Variants in PRIMA1 observed in about 807,000 individuals in gnomAD.
PRIMA1 encodes proline-rich membrane anchor 1.
Under a neutral mutation model 17.5 loss-of-function variants are expected in PRIMA1, and 7 were observed. The observed-to-expected ratio is 0.40, with a 90% CI of 0.23 to 0.75. The LOEUF is 0.75. Ranked by LOEUF, PRIMA1 falls within the 30% of genes least tolerant of loss-of-function variation. The pLI, the probability that PRIMA1 is intolerant of heterozygous loss-of-function variation, is 0.37. For synonymous variants in PRIMA1, 97 were observed against 77.9 expected, an observed-to-expected ratio of 1.25 and a Z score of -1.29; for missense variants, 200 against 201.8, an observed-to-expected ratio of 0.99 and a Z score of 0.05.
chr14:93,771,478 C>A (rs1298287630), intron 3 of PRIMA1, among the ~76,000 whole-genome samples: 4 of 152,136 alleles, frequency 2.6e-5, no homozygotes, highest in Admixed American at 2.6e-4. Context: ...CAATCTACAG[C>A]CAATATTGAC....
Position 93,743,242 on chromosome 14 carries a change from C to T in PRIMA1, c.230-5872G>A, listed in dbSNP as rs563812573. Among the ~76,000 whole-genome samples the T allele has an allele frequency of 2.6e-5, 4 of 152,314 alleles. No individual in the cohort carries two copies. The East Asian group carries it at 5.8e-4, about 22-fold the overall frequency. The stretch of plus-strand genomic sequence containing the variant: ...CTGGTTCCGGAGCACAGCCTGAGTA[C>T]CAGACATTGCTGGTGACACCATGGG... On this transcript the variant is annotated intron_variant, in intron 3 of 4. Coordinates refer to ENST00000393140, the MANE Select transcript of PRIMA1 (RefSeq NM_178013.4).
intron 1 of PRIMA1, among the ~76,000 whole-genome samples, 189 bp from the exon 2 acceptor site, chr14:93,787,938 T>A (rs1013026181): frequency 6.6e-6 from 1 of 152,156 alleles, no homozygotes; most frequent in Non-Finnish European, 1.5e-5. Flanking sequence ...GAATTCACAC[T>A]CTTCTTACGC....
intron 4 of PRIMA1, among the ~76,000 whole-genome samples, chr14:93,733,275 C>T (rs1304634419): frequency 6.6e-6 from 1 of 152,168 alleles, no homozygotes; most frequent in East Asian, 1.9e-4. Context: ...CTCTGAACAC[C>T]GTCTACCCAG....
intron 4 of PRIMA1, among the ~76,000 whole-genome samples, chr14:93,721,862 T>G (rs1459540570): frequency 6.6e-6 from 1 of 152,178 alleles, no homozygotes; most frequent in African/African-American, 2.4e-5. Flanking sequence ...CAAGAAAGTA[T>G]GTTCAGTCTA....
intron 4 of PRIMA1, chr14:93,725,695 C>G: frequency 3.1e-6 from 1 of 326,206 alleles, no homozygotes; most frequent in Non-Finnish European, 6.1e-6. Flanking sequence ...ATGTCAAGCA[C>G]TTAGACAAGC....
rs1007966127 is a variant in PRIMA1, at chr14:93,720,431, G to C, written c.*1013C>G. 2 of 152,536 alleles carry C rather than the reference G, an allele frequency of 1.3e-5. No homozygotes were observed. Among genetic ancestry groups the C allele is most frequent in the Admixed American group, 1.3e-4 (2 of 15,286 alleles). 9.4% of individuals were successfully genotyped at this position (152,536 alleles called of 1,614,324 possible). A position where few individuals can be genotyped will look rare whatever the true frequency, so the allele number is the denominator to read the frequency against. ...AACAACACCTCCTTCTTGGCGACTGGGGCTCGGGGTAGGGTAAAATGGGGA... is the reference window on the plus strand; with the variant it reads ...AACAACACCTCCTTCTTGGCGACTGCGGCTCGGGGTAGGGTAAAATGGGGA... On this transcript the variant is annotated 3_prime_UTR_variant, in exon 5 of 5. Transcript: ENST00000393140.
intron 3 of PRIMA1, among the ~76,000 whole-genome samples, chr14:93,758,947 T>C (rs1364477708): frequency 6.6e-6 from 1 of 152,130 alleles, no homozygotes; most frequent in East Asian, 1.9e-4. Flanking sequence ...GGGTTTTGAA[T>C]ATTTTGCATC....
chr14:93,741,218 A>G (rs750343661), intron 3 of PRIMA1, among the ~76,000 whole-genome samples: 1 of 152,254 alleles, frequency 6.6e-6, no homozygotes, highest in Admixed American at 6.5e-5. Flanking sequence ...GCTTGAGTCA[A>G]TTAGAGAATG....
intron 3 of PRIMA1, among the ~76,000 whole-genome samples, chr14:93,770,116 G>C (rs566611618): frequency 7.0e-4 from 106 of 152,146 alleles, no homozygotes; most frequent in African/African-American, 2.5e-3. Flanking sequence ...CTTAGACCAG[G>C]GCGTGACACC....
At position 93,748,047 on chromosome 14, in the gene PRIMA1, A is replaced by T. The variant is rs61980272; in HGVS notation, c.230-10677T>A. Among the ~76,000 whole-genome samples the T allele has an allele frequency of 8.5e-3, 1,279 of 150,472 alleles. 15 individuals carry two copies. Among genetic ancestry groups the T allele is most frequent in the South Asian group, 0.024 (113 of 4,772 alleles). ...GGGGGACTGTGTGTGGGAGTGTGTG[A>T]GTGTGTGTATGTGAGTGTGAATGTG... On this transcript the variant is annotated intron_variant, in intron 3 of 4. Coordinates refer to ENST00000393140, the MANE Select transcript of PRIMA1 (RefSeq NM_178013.4).
chr14:93,752,631 C>T (rs2076267136), intron 3 of PRIMA1, among the ~76,000 whole-genome samples: 1 of 152,208 alleles, frequency 6.6e-6, no homozygotes, highest in Admixed American at 6.5e-5. Context: ...AGTGCAATAT[C>T]CAAAGACAAT....
At chr14:93,777,227 T>C (rs1885244701) in intron 3 of PRIMA1, among the ~76,000 whole-genome samples, 1 of 152,202 alleles carries the variant, frequency 6.6e-6, no homozygotes, top group African/African-American at 2.4e-5. Flanking sequence ...GAAGGGCTTG[T>C]GACTCTCAAG....
At chr14:93,725,877 T>C (rs1405477891) in intron 4 of PRIMA1, 1 of 452,242 alleles carries the variant, frequency 2.2e-6, no homozygotes, top group African/African-American at 2.0e-5. Flanking sequence ...CTAGAGAGAG[T>C]TGTTAGGACC....
chr14:93,786,749 G>C lies in PRIMA1; in HGVS notation c.93+877C>G, dbSNP rs74919144. Among the ~76,000 whole-genome samples, 1,192 of 152,142 alleles carry C rather than the reference G, an allele frequency of 7.8e-3. 15 individuals are homozygous for C. The highest frequency in any genetic ancestry group is 0.014 in the Middle Eastern group (4 of 294). On this transcript the variant is annotated intron_variant, in intron 2 of 4. Transcript: ENST00000393140. ...TACCTGGTCAGCCAGGCAGAAGAAC[G>C]GCATTGCTATTACTCCTATCAACAA...
At chr14:93,758,137 ACACCCCTGTCT>A (rs2076303724) in intron 3 of PRIMA1, among the ~76,000 whole-genome samples, 1 of 152,102 alleles carries the variant, frequency 6.6e-6, no homozygotes, top group Non-Finnish European at 1.5e-5. Flanking sequence ...CCTCCTGGGT[ACACCCCTGTCT>A]CAGCTCAGCT....
chr14:93,770,941 C>A (rs1374043995), intron 3 of PRIMA1, among the ~76,000 whole-genome samples: 1 of 152,210 alleles, frequency 6.6e-6, no homozygotes, highest in Non-Finnish European at 1.5e-5. Context: ...CCAGCAGACA[C>A]TGGACAACTG....
intron 3 of PRIMA1, among the ~76,000 whole-genome samples, chr14:93,773,153 A>G (rs774221653): frequency 1.2e-4 from 18 of 152,236 alleles, no homozygotes; most frequent in Non-Finnish European, 2.1e-4. Flanking sequence ...GCTCTGAGCC[A>G]CTGCGCTACA....
chr14:93,723,766 C>T (rs2076057664), intron 4 of PRIMA1, among the ~76,000 whole-genome samples: 1 of 152,158 alleles, frequency 6.6e-6, no homozygotes, highest in South Asian at 2.1e-4. Context: ...AGATTCATTT[C>T]ATGGGGAAAC....
chr14:93,756,864 G>A (rs1165779305), intron 3 of PRIMA1, among the ~76,000 whole-genome samples: 30 of 152,110 alleles, frequency 2.0e-4, no homozygotes, highest in Admixed American at 1.8e-3. Flanking sequence ...CAATCCAGCA[G>A]CAAGTCCCCT....
Sources: allele counts gnomAD v4.1 joint callset (sites outside exome capture counted in the v4.1 genomes callset), GRCh38; gene constraint gnomAD v4.1.1; transcripts MANE v1.5; gene names NCBI Gene and HGNC (gene_info 2026-07-23, HGNC 2026-07-21).